ATP8B4: variants seen among roughly 807,000 people sequenced by gnomAD.
ATP8B4 encodes probable phospholipid-transporting ATPase IM.
Under a neutral mutation model 145.6 loss-of-function variants are expected in ATP8B4, and 133 were observed. The observed-to-expected ratio is 0.91, with a 90% CI of 0.79 to 1.05. The LOEUF is 1.05. Ranked by LOEUF, ATP8B4 falls within the 50% of genes least tolerant of loss-of-function variation. The probability of loss-of-function intolerance (pLI) is 0.00; values close to 1 mark genes in which losing one functional copy is unlikely to be tolerated. For missense variants in ATP8B4, 1,458 were observed against 1,425.2 expected (o/e 1.02, Z -0.37); for synonymous variants, 507 against 492.9 (o/e 1.03, Z -0.38).
intron 14 of ATP8B4, among the ~76,000 whole-genome samples, chr15:49,941,294 A>G (rs2042145739): frequency 6.6e-6 from 1 of 152,174 alleles, no homozygotes; most frequent in South Asian, 2.1e-4. Context: ...GTTTGATCCC[A>G]GAGACAAAGA....
intron 14 of ATP8B4, among the ~76,000 whole-genome samples, chr15:49,960,778 T>C (rs1308836776): frequency 2.6e-5 from 4 of 152,148 alleles, no homozygotes; most frequent in East Asian, 1.9e-4. Context: ...TTCCCTAATA[T>C]AGAAATATAC....
intron 1 of ATP8B4, among the ~76,000 whole-genome samples, chr15:50,141,582 G>A (rs1316230651): frequency 3.9e-5 from 6 of 152,056 alleles, no homozygotes; most frequent in African/African-American, 1.4e-4. Context: ...AAAAGCTCAC[G>A]ATCTTCCATG....
intron 3 of ATP8B4, among the ~76,000 whole-genome samples, chr15:50,050,504 A>T (rs912149671): frequency 2.0e-5 from 3 of 152,180 alleles, no homozygotes; most frequent in Non-Finnish European, 1.5e-5. Context: ...ATGAAAAAAT[A>T]TTTAATCTTG....
intron 16 of ATP8B4, among the ~76,000 whole-genome samples, chr15:49,927,153 T>C (rs1158816100): frequency 4.0e-5 from 6 of 151,588 alleles, no homozygotes; most frequent in African/African-American, 1.4e-4. Flanking sequence ...TAATATAGTA[T>C]ATTCTGTTCC....
intron 20 of ATP8B4, among the ~76,000 whole-genome samples, chr15:49,909,722 C>CAAAA (rs995336781): frequency 0.012 from 839 of 68,616 alleles, no homozygotes; most frequent in Non-Finnish European, 0.015. Context: ...CTTTGTTTAC[C>CAAAA]AAAAAAAAAA....
chr15:50,045,608 A>T (rs546081088), intron 4 of ATP8B4, among the ~76,000 whole-genome samples: 52 of 152,300 alleles, frequency 3.4e-4, no homozygotes, highest in Admixed American at 2.6e-3. Flanking sequence ...AGATTTTTTA[A>T]AAAAAACTCA....
intron 2 of ATP8B4, among the ~76,000 whole-genome samples, chr15:50,099,734 T>C (rs1216908957): frequency 6.6e-6 from 1 of 152,198 alleles, no homozygotes; most frequent in Non-Finnish European, 1.5e-5. Flanking sequence ...TAGACCTTTT[T>C]ACATCTTAAA....
chr15:50,074,252 C>T, intron 2 of ATP8B4, 67 bp from the exon 3 acceptor site: 1 of 1,367,456 alleles, frequency 7.3e-7, no homozygotes, highest in Non-Finnish European at 1.0e-6. Context: ...CTCATTAAAA[C>T]AACAAGACTT....
intron 2 of ATP8B4, among the ~76,000 whole-genome samples, chr15:50,102,783 T>TAAC (rs1675283489): frequency 1.1e-5 from 1 of 90,940 alleles, no homozygotes; most frequent in Non-Finnish European, 2.2e-5. Context: ...GGGATGGACA[T>TAAC]AACAAAAAAA....
intron 6 of ATP8B4, among the ~76,000 whole-genome samples, chr15:50,037,710 C>T (rs868026504): frequency 6.6e-6 from 1 of 152,186 alleles, no homozygotes; most frequent in Non-Finnish European, 1.5e-5. Flanking sequence ...ACCTTTATGG[C>T]TTATCCATGT....
intron 21 of ATP8B4, among the ~76,000 whole-genome samples, chr15:49,899,868 T>C (rs1355094419): frequency 6.6e-6 from 1 of 152,216 alleles, no homozygotes; most frequent in Non-Finnish European, 1.5e-5. Context: ...GCTTTGAATA[T>C]GATGGTGTTC....
At chr15:50,073,023 C>T (rs1012820661) in intron 3 of ATP8B4, among the ~76,000 whole-genome samples, 672 of 39,118 alleles carry the variant, frequency 0.017, 3 homozygotes, top group African/African-American at 0.028. Context: ...TATATATACA[C>T]ACACACACAC....
intron 2 of ATP8B4, among the ~76,000 whole-genome samples, chr15:50,087,158 T>G (rs1325991244): frequency 2.3e-5 from 3 of 127,762 alleles, no homozygotes; most frequent in African/African-American, 9.3e-5. Context: ...ATATAATATA[T>G]AGATCTCTAT....
intron 1 of ATP8B4, among the ~76,000 whole-genome samples, chr15:50,178,540 T>G (rs2044797763): frequency 6.6e-6 from 1 of 152,166 alleles, no homozygotes; most frequent in South Asian, 2.1e-4. Context: ...TGTTTTGTTT[T>G]TCATATGAGA....
chr15:49,873,027 C>T (rs563503779), intron 25 of ATP8B4, among the ~76,000 whole-genome samples: 19 of 152,088 alleles, frequency 1.2e-4, no homozygotes, highest in South Asian at 2.1e-4. Flanking sequence ...AAAATTATTC[C>T]GAAATTAAAA....
At chr15:50,041,197 A>C (rs185938919) in intron 5 of ATP8B4, among the ~76,000 whole-genome samples, 18 of 152,340 alleles carry the variant, frequency 1.2e-4, no homozygotes, top group African/African-American at 3.8e-4. Flanking sequence ...TTCCCTGAAA[A>C]ATCAGATAAC....
chr15:49,939,630 T>A (rs12905434), intron 14 of ATP8B4, among the ~76,000 whole-genome samples: 37,003 of 151,902 alleles, frequency 0.24, 5,194 homozygotes, highest in Non-Finnish European at 0.31. Flanking sequence ...AAACCAAAAA[T>A]ACGTTCAGAC....
intron 1 of ATP8B4, among the ~76,000 whole-genome samples, chr15:50,140,684 C>T (rs983804776): frequency 6.6e-6 from 1 of 152,048 alleles, no homozygotes; most frequent in Non-Finnish European, 1.5e-5. Flanking sequence ...CACCATGCTT[C>T]TCTGGGGAAA....
intron 6 of ATP8B4, among the ~76,000 whole-genome samples, chr15:50,016,564 T>C (rs140973466): frequency 5.3e-4 from 81 of 152,240 alleles, no homozygotes; most frequent in African/African-American, 1.8e-3. Flanking sequence ...GTAGCCACAA[T>C]GAAAGCCACA....
Sources: gnomAD v4.1 joint callset for allele counts (sites outside exome capture counted in the v4.1 genomes callset) on GRCh38, gnomAD v4.1.1 for gene constraint, MANE v1.5 for transcripts, NCBI Gene and HGNC (gene_info 2026-07-23, HGNC 2026-07-21) for gene names.